Variants in DPYD observed in about 807,000 individuals in gnomAD.
DPYD encodes dihydropyrimidine dehydrogenase.
A neutral mutation model predicts 116.2 loss-of-function variants in DPYD; 109 were observed. The ratio of observed to expected loss-of-function variants is 0.94; its 90% CI spans 0.80 to 1.10. The LOEUF is 1.10. Among genes scored for constraint, DPYD ranks in the 50% least tolerant of loss-of-function variants. DPYD has a pLI of 0.00. For synonymous variants in DPYD, 440 were observed against 432.0 expected, an observed-to-expected ratio of 1.02 and a Z score of -0.23; for missense variants, 1,302 against 1,254.5, an observed-to-expected ratio of 1.04 and a Z score of -0.57.
chr1:97,487,621 T>G (rs1027465323), intron 13 of DPYD, among the ~76,000 whole-genome samples: 1 of 152,000 alleles, frequency 6.6e-6, no homozygotes, highest in African/African-American at 2.4e-5. Context: ...TGCAGTGAGC[T>G]GAGATTGCAC....
chr1:97,343,264 C>T (rs949214451), intron 16 of DPYD, among the ~76,000 whole-genome samples: 8 of 152,008 alleles, frequency 5.3e-5, no homozygotes, highest in Non-Finnish European at 1.0e-4. Context: ...TTATTCTCTT[C>T]AATTGTCACA....
chr1:97,576,216 GT>G (rs965419879), intron 10 of DPYD, among the ~76,000 whole-genome samples: 2 of 152,074 alleles, frequency 1.3e-5, no homozygotes, highest in African/African-American at 4.8e-5. Context: ...AGTTTATTGT[GT>G]TTCAAAATGT....
chr1:97,889,060 G>A (rs569112369), intron 1 of DPYD, among the ~76,000 whole-genome samples: 29 of 152,180 alleles, frequency 1.9e-4, no homozygotes, highest in African/African-American at 7.0e-4. Context: ...AGAAGGCTGA[G>A]GCAGGAGAAT....
At chr1:97,673,123 T>G (rs1032809886) in intron 8 of DPYD, among the ~76,000 whole-genome samples, 1 of 152,090 alleles carries the variant, frequency 6.6e-6, no homozygotes, top group Non-Finnish European at 1.5e-5. Context: ...TTACTTTCTT[T>G]ATAAAACTCA....
intron 16 of DPYD, among the ~76,000 whole-genome samples, chr1:97,365,904 C>A (rs1671009530): frequency 6.6e-6 from 1 of 152,196 alleles, no homozygotes; most frequent in South Asian, 2.1e-4. Context: ...AAAGTGCTGG[C>A]ATACAGTCAT....
At chr1:97,903,558 T>C (rs1375989005) in intron 1 of DPYD, among the ~76,000 whole-genome samples, 1 of 151,972 alleles carries the variant, frequency 6.6e-6, no homozygotes, top group Non-Finnish European at 1.5e-5. Flanking sequence ...TGTCCTTGGT[T>C]ATTAAGTTAA....
chr1:97,551,511 G>A (rs914566202), intron 11 of DPYD, among the ~76,000 whole-genome samples: 2 of 152,022 alleles, frequency 1.3e-5, no homozygotes, highest in African/African-American at 4.8e-5. Context: ...ATGATCTTAT[G>A]TTTCCAAAAC....
chr1:97,473,046 C>A (rs1034604326), intron 13 of DPYD, among the ~76,000 whole-genome samples: 5 of 152,134 alleles, frequency 3.3e-5, no homozygotes, highest in African/African-American at 1.2e-4. Flanking sequence ...TAGTCACCAT[C>A]CTGTATATTA....
intron 18 of DPYD, chr1:97,280,095 G>A (rs777420195): frequency 1.3e-5 from 2 of 152,106 alleles, no homozygotes; most frequent in South Asian, 4.1e-4. Flanking sequence ...CTGCAATAAA[G>A]CTCCCTAGCT....
intron 18 of DPYD, among the ~76,000 whole-genome samples, chr1:97,292,076 T>C (rs974050303): frequency 6.6e-6 from 1 of 152,172 alleles, no homozygotes; most frequent in Non-Finnish European, 1.5e-5. Flanking sequence ...CAGAATCCTC[T>C]GAGATGCTAA....
chr1:97,506,714 G>T (rs750754396), intron 13 of DPYD, among the ~76,000 whole-genome samples: 41 of 152,080 alleles, frequency 2.7e-4, no homozygotes, highest in South Asian at 8.3e-4. Flanking sequence ...ATCACAGCCT[G>T]AAATGGGAAA....
At chr1:97,127,603 T>C (rs1652948821) in intron 20 of DPYD, among the ~76,000 whole-genome samples, 1 of 152,044 alleles carries the variant, frequency 6.6e-6, no homozygotes, top group Admixed American at 6.6e-5. Flanking sequence ...CAACTCATTT[T>C]CCCCCATCCT....
At chr1:97,478,528 C>T (rs889407499) in intron 13 of DPYD, among the ~76,000 whole-genome samples, 1 of 152,168 alleles carries the variant, frequency 6.6e-6, no homozygotes, top group African/African-American at 2.4e-5. Flanking sequence ...CCTCGTGATG[C>T]ACCTGCCTTG....
chr1:97,194,329 C>A (rs1183436614), intron 19 of DPYD, among the ~76,000 whole-genome samples: 1 of 151,976 alleles, frequency 6.6e-6, no homozygotes, highest in African/African-American at 2.4e-5. Flanking sequence ...TTATAAGGGG[C>A]TTTTCCCCTT....
chr1:97,909,507 C>T (rs1302069621), intron 1 of DPYD, among the ~76,000 whole-genome samples: 1 of 152,086 alleles, frequency 6.6e-6, no homozygotes, highest in African/African-American at 2.4e-5. Flanking sequence ...CTTACTTCCT[C>T]ACATTCTATT....
intron 12 of DPYD, among the ~76,000 whole-genome samples, chr1:97,529,212 T>C (rs919225566): frequency 2.0e-5 from 3 of 152,212 alleles, no homozygotes; most frequent in African/African-American, 7.2e-5. Context: ...AGTGAACTTG[T>C]AAAATATGCT....
At chr1:97,552,671 G>A (rs1306872562) in intron 11 of DPYD, among the ~76,000 whole-genome samples, 2 of 151,862 alleles carry the variant, frequency 1.3e-5, no homozygotes, top group Non-Finnish European at 2.9e-5. Context: ...AATATCAACT[G>A]TTTTAATTAT....
At chr1:97,079,271 A>G (rs1648992440) in intron 22 of DPYD, 125 bp from the exon 23 acceptor site, 4 of 943,410 alleles carry the variant, frequency 4.2e-6, no homozygotes, top group Admixed American at 3.6e-5. Context: ...GTCCAGCTCT[A>G]TGGTGCAACT....
chr1:97,189,935 T>C (rs1240148524), intron 20 of DPYD, among the ~76,000 whole-genome samples: 2 of 152,190 alleles, frequency 1.3e-5, no homozygotes, highest in Non-Finnish European at 1.5e-5. Flanking sequence ...GAATGAATTA[T>C]GTAAAACCAT....
Sources: allele counts gnomAD v4.1 joint callset (sites outside exome capture counted in the v4.1 genomes callset), GRCh38; gene constraint gnomAD v4.1.1; transcripts MANE v1.5; gene names NCBI Gene and HGNC (gene_info 2026-07-23, HGNC 2026-07-21).